The following CCDC66 variants were observed in gnomAD, a reference collection of about 807,000 sequenced individuals.
CCDC66 encodes the protein coiled-coil domain-containing protein 66.
In CCDC66, 133 loss-of-function variants were observed where a neutral mutation model predicts 128.3. That is an observed-to-expected ratio of 1.04 (90% confidence interval 0.90 to 1.20). The LOEUF (loss-of-function observed/expected upper bound fraction) is 1.20, where lower values mean the gene tolerates loss of function less well. Ranked by LOEUF, CCDC66 falls within the 50% of genes most tolerant of loss-of-function variation. The pLI, the probability that CCDC66 is intolerant of heterozygous loss-of-function variation, is 0.00. For synonymous variants in CCDC66, 387 were observed against 357.0 expected, an observed-to-expected ratio of 1.08 and a Z score of -0.95; for missense variants, 1,126 against 1,075.5, an observed-to-expected ratio of 1.05 and a Z score of -0.66.
intron 12 of CCDC66, 108 bp downstream of exon 12, chr3:56,615,380 G>C: frequency 9.3e-7 from 1 of 1,078,752 alleles, no homozygotes; most frequent in Non-Finnish European, 1.3e-6. Context: ...GCACAGGCTA[G>C]AGTGCAGTGG....
Position 56,580,156 on chromosome 3 carries a change from G to T in CCDC66, c.936+8854G>T, listed in dbSNP as rs560371361. 9.2e-4 allele frequency among the ~76,000 whole-genome samples: 140 copies of T among 151,606 alleles called. 1 individual carries two copies. In the South Asian group the frequency reaches 0.021, roughly 23 times the overall value. On this transcript the variant is annotated intron_variant, in intron 7 of 17. Transcript: ENST00000394672. ...TCTTGTTGAATTGATCCCTTTACCA[G>T]TATGTAATGGCCTTCTTTGTCTCTT...
At position 56,557,310 on chromosome 3, in the gene CCDC66, G is replaced by A; in HGVS notation, c.11+57G>A. ...TAAGCAAGGTGGTCGTCAGCGGAGA[G>A]GGAGGCATGTGTGTCTGGGTTGTCC... On this transcript the variant is annotated intron_variant, in intron 1 of 17. Coordinates refer to ENST00000394672, the MANE Select transcript of CCDC66 (RefSeq NM_001141947.3). 6 of 1,544,426 alleles carry A rather than the reference G, an allele frequency of 3.9e-6. No individual in the cohort carries two copies. In the South Asian group the frequency reaches 6.0e-5, roughly 15 times the overall value.
In CCDC66 at chr3:56,615,976, A is replaced by C. The variant is rs2075441013; in HGVS notation, c.1766A>C (p.Asp589Ala). 6.3e-7 allele frequency: 1 copy of C among 1,599,198 alleles called. No individual in the cohort carries two copies. The stretch of plus-strand genomic sequence containing the variant: ...TCTAACATTTCAAATTCAAGACATG[A>C]TTCTGATGAAATCAGTGGTAAAATG... ...NASNISNSRH[D>A]SDEISGKMNT... is the part of the protein sequence containing the mutation. Residue 589 changes from aspartate to alanine, a missense_variant, in exon 13 of 18, where the codon GAT (aspartate) becomes GCT (alanine). Asp to Ala is a moderately radical substitution (Grantham distance 126). Coordinates refer to ENST00000394672, the MANE Select transcript of CCDC66 (RefSeq NM_001141947.3).
At chr3:56,583,342 C>T (rs1040046646) in intron 7 of CCDC66, among the ~76,000 whole-genome samples, 2 of 151,834 alleles carry the variant, frequency 1.3e-5, no homozygotes, top group African/African-American at 4.8e-5. Context: ...GGGTGTTTCT[C>T]CCAGAGGGGG....
In CCDC66 at chr3:56,566,351, C is replaced by T. The variant is rs145364624; in HGVS notation, c.545-243C>T. On this transcript the variant is annotated intron_variant, in intron 4 of 17. Coordinates refer to ENST00000394672, the MANE Select transcript of CCDC66 (RefSeq NM_001141947.3). The stretch of plus-strand genomic sequence containing the variant: ...TGTTGCCCAGGCTGATCTCGAACTC[C>T]TGAGCTTAAGCAATCTGCCCACGTC... Among the ~76,000 whole-genome samples, 90 of 152,238 alleles carry T rather than the reference C, an allele frequency of 5.9e-4. 1 individual carries two copies. The highest frequency in any genetic ancestry group is 1.9e-3 in the African/African-American group (81 of 41,550).
intron 12 of CCDC66, 109 bp from the exon 13 acceptor site, chr3:56,615,813 G>A (rs1045266337): frequency 1.5e-5 from 13 of 863,608 alleles, no homozygotes; most frequent in Middle Eastern, 3.8e-4. Flanking sequence ...AATTTTTATT[G>A]CAGTGTTCAT....
At chr3:56,566,910 G>A in intron 5 of CCDC66, 40 bp from the exon 6 acceptor site, 5 of 1,543,298 alleles carry the variant, frequency 3.2e-6, no homozygotes, top group South Asian at 2.3e-5. Context: ...GTGTAGAAAT[G>A]TATGATACAG....
rs982892257 is a variant in CCDC66, at chr3:56,562,346, A to C, written c.103-1338A>C. ...ATTATAGGTGTGAGCCACTGTGCCC[A>C]GCCTCTCCTACATTTTTATTTTTCT... On this transcript the variant is annotated intron_variant, in intron 3 of 17. Coordinates refer to ENST00000394672, the MANE Select transcript of CCDC66 (RefSeq NM_001141947.3). Among the ~76,000 whole-genome samples the C allele has an allele frequency of 5.9e-5, 9 of 152,130 alleles. No homozygotes were observed. The East Asian group carries it at 1.7e-3, about 29-fold the overall frequency.
chr3:56,590,248 G>A (rs1264329347), intron 7 of CCDC66, among the ~76,000 whole-genome samples: 2 of 152,218 alleles, frequency 1.3e-5, no homozygotes, highest in Non-Finnish European at 2.9e-5. Flanking sequence ...GCTTTAAGGG[G>A]AGAATTACAT....
At position 56,593,489 on chromosome 3, in the gene CCDC66, A is replaced by G; in HGVS notation, c.1069-2A>G. 1 of 1,612,730 alleles carries G rather than the reference A, an allele frequency of 6.2e-7. No homozygotes were observed. Among genetic ancestry groups the G allele is most frequent in the Non-Finnish European group, 8.5e-7 (1 of 1,178,872 alleles). The stretch of plus-strand genomic sequence containing the variant: ...TTAGCAATTCTTATTTGTCATCATT[A>G]GGGTGAGGAACATGACAGATGGGCA... On this transcript the variant is annotated splice_acceptor_variant, in intron 8 of 17. Transcript: ENST00000394672. LOFTEE classifies it high-confidence loss of function.
At chr3:56,595,746 A>C (rs1244374885) in intron 10 of CCDC66, among the ~76,000 whole-genome samples, 1 of 152,218 alleles carries the variant, frequency 6.6e-6, no homozygotes, top group African/African-American at 2.4e-5. Context: ...AATATCCAGT[A>C]CTGGGAATGC....
intron 7 of CCDC66, among the ~76,000 whole-genome samples, chr3:56,591,251 G>A (rs2070842064): frequency 6.6e-6 from 1 of 152,176 alleles, no homozygotes; most frequent in African/African-American, 2.4e-5. Context: ...TTATCTTAGG[G>A]TTATGAATAT....
intron 7 of CCDC66, among the ~76,000 whole-genome samples, chr3:56,586,017 T>C (rs7621290): frequency 0.97 from 147,136 of 151,968 alleles, 71,435 homozygotes; most frequent in East Asian, 1. Context: ...AAAAGACTAG[T>C]ACATACATAA....
intron 10 of CCDC66, among the ~76,000 whole-genome samples, chr3:56,595,327 A>G (rs1191390730): frequency 6.6e-6 from 1 of 152,196 alleles, no homozygotes; most frequent in Non-Finnish European, 1.5e-5. Flanking sequence ...GCTATCAAAC[A>G]TTAGAACTTA....
Position 56,564,062 on chromosome 3 carries a change from T to A in CCDC66, c.481T>A (p.Leu161Met), listed in dbSNP as rs571674487. 6 of 1,613,990 alleles carry A rather than the reference T, an allele frequency of 3.7e-6. No homozygotes were observed. The African/African-American group carries it at 5.3e-5, about 14-fold the overall frequency. The part of the protein sequence containing the change: ...CLTQDQLQQI[L>M]MTVNQGNRSL... ...AACACAAGACCAACTACAACAGATTTTGATGACTGTAAACCAAGGAAATAG... is the reference window on the plus strand; with the variant it reads ...AACACAAGACCAACTACAACAGATTATGATGACTGTAAACCAAGGAAATAG... The change falls in exon 4 of 18, where the codon TTG (leucine) becomes ATG (methionine). Residue 161 changes from leucine to methionine, a missense_variant. By Grantham distance (15) the Leu-to-Met change is conservative (BLOSUM62 2). Transcript: ENST00000394672.
intron 10 of CCDC66, among the ~76,000 whole-genome samples, chr3:56,610,546 A>T (rs2074650878): frequency 6.6e-6 from 1 of 152,192 alleles, no homozygotes; most frequent in East Asian, 1.9e-4. Context: ...CATAATAACT[A>T]ACCTCCTGAA....
intron 7 of CCDC66, among the ~76,000 whole-genome samples, chr3:56,590,046 G>A (rs2070586712): frequency 6.6e-6 from 1 of 152,146 alleles, no homozygotes; most frequent in African/African-American, 2.4e-5. Context: ...GTAATGAATG[G>A]TCTTTGTAAT....
intron 10 of CCDC66, among the ~76,000 whole-genome samples, chr3:56,604,044 CCTT>C (rs1465664516): frequency 6.6e-6 from 1 of 152,024 alleles, no homozygotes; most frequent in East Asian, 1.9e-4. Flanking sequence ...TATGTAATGG[CCTT>C]CTTTGTCTCT....
chr3:56,603,363 T>C (rs2073549257), intron 10 of CCDC66, among the ~76,000 whole-genome samples: 1 of 152,034 alleles, frequency 6.6e-6, no homozygotes. Flanking sequence ...CTCTAGTTCT[T>C]TTAGTTGTGA....
Sources: gnomAD v4.1 joint callset for allele counts (sites outside exome capture counted in the v4.1 genomes callset) on GRCh38, gnomAD v4.1.1 for gene constraint, MANE v1.5 for transcripts, NCBI Gene and HGNC (gene_info 2026-07-23, HGNC 2026-07-21) for gene names.